The following CPNE4 variants were observed in gnomAD, a reference collection of about 807,000 sequenced individuals.
CPNE4 encodes copine 4.
A neutral mutation model predicts 67.9 loss-of-function variants in CPNE4; 25 were observed. The observed-to-expected ratio is 0.37, with a 90% confidence interval of 0.27 to 0.51. The LOEUF (loss-of-function observed/expected upper bound fraction) is 0.51. Among genes scored for constraint, CPNE4 ranks in the 20% least tolerant of loss-of-function variants. The pLI, the probability that CPNE4 is intolerant of heterozygous loss-of-function variation, is 0.93. For synonymous variants in CPNE4, 242 were observed against 244.9 expected (o/e 0.99, Z 0.11); for missense variants, 464 against 690.8 (o/e 0.67, Z 3.68).
At chr3:131,882,919 A>G (rs2087736328) in intron 2 of CPNE4, among the ~76,000 whole-genome samples, 1 of 151,978 alleles carries the variant, frequency 6.6e-6, no homozygotes, top group African/African-American at 2.4e-5. Flanking sequence ...GGGTTTCACC[A>G]TGTTAGCCAG....
At chr3:131,894,826 G>A (rs1402469122) in intron 2 of CPNE4, among the ~76,000 whole-genome samples, 1 of 152,010 alleles carries the variant, frequency 6.6e-6, no homozygotes, top group East Asian at 1.9e-4. Context: ...ATTAAAAATA[G>A]AACTATTATA....
At chr3:131,779,330 A>C (rs1244435086) in intron 2 of CPNE4, among the ~76,000 whole-genome samples, 11 of 152,130 alleles carry the variant, frequency 7.2e-5, no homozygotes, top group Admixed American at 5.2e-4. Context: ...TAGATTTAAA[A>C]AAATCTAAAA....
chr3:131,698,175 T>TAGTG (rs1248041550), intron 4 of CPNE4, among the ~76,000 whole-genome samples: 2 of 137,678 alleles, frequency 1.5e-5, no homozygotes, highest in East Asian at 4.2e-4. Flanking sequence ...GTGGAACTTG[T>TAGTG]AGTGAGATGA....
chr3:131,735,724 G>T (rs532865618), intron 2 of CPNE4, among the ~76,000 whole-genome samples: 2 of 152,318 alleles, frequency 1.3e-5, no homozygotes, highest in Non-Finnish European at 2.9e-5. Flanking sequence ...AAATACAAGT[G>T]GGGCAAGTTG....
rs150411029 is a variant in CPNE4 at position 131,729,995 on chromosome 3, C to T, written c.181-6370G>A. Among the ~76,000 whole-genome samples, 6 of 152,340 alleles carry T rather than the reference C, an allele frequency of 3.9e-5. No homozygotes were observed. The East Asian group carries it at 9.6e-4, about 24-fold the overall frequency. Reference sequence around the variant, plus strand: ...GAAGGCACTTACATGTTATCTTCTTCAAGCCTTACCCTCATCAACTTTAAA... The same window carrying T: ...GAAGGCACTTACATGTTATCTTCTTTAAGCCTTACCCTCATCAACTTTAAA... On this transcript the variant is annotated intron_variant, in intron 2 of 15. Coordinates refer to ENST00000429747, the MANE Select transcript of CPNE4 (RefSeq NM_130808.3).
At chr3:131,706,427 G>A (rs1052561871) in intron 3 of CPNE4, among the ~76,000 whole-genome samples, 1 of 152,160 alleles carries the variant, frequency 6.6e-6, no homozygotes, top group Admixed American at 6.5e-5. Context: ...AGCTCTGCAA[G>A]GTAAGTATTA....
intron 1 of CPNE4, among the ~76,000 whole-genome samples, chr3:131,968,099 C>A (rs1355352817): frequency 2.0e-5 from 3 of 152,116 alleles, no homozygotes; most frequent in Non-Finnish European, 4.4e-5. Context: ...CAAAAACAAG[C>A]AATGGGCAAA....
At chr3:131,645,422 G>T (rs768274459) in intron 7 of CPNE4, among the ~76,000 whole-genome samples, 12 of 152,024 alleles carry the variant, frequency 7.9e-5, no homozygotes, top group Non-Finnish European at 1.6e-4. Flanking sequence ...ATCTAATACA[G>T]GTCACTTTGG....
intron 2 of CPNE4, among the ~76,000 whole-genome samples, chr3:131,847,925 C>A (rs1381334368): frequency 6.6e-6 from 1 of 152,102 alleles, no homozygotes; most frequent in Admixed American, 6.6e-5. Flanking sequence ...GACCTCAGTG[C>A]AACTGTGGCT....
intron 1 of CPNE4, among the ~76,000 whole-genome samples, chr3:132,025,726 T>G (rs1216632924): frequency 6.6e-6 from 1 of 152,210 alleles, no homozygotes; most frequent in African/African-American, 2.4e-5. Flanking sequence ...TCCTATAACA[T>G]AGACACAATC....
chr3:131,575,017 C>A (rs1290390776), intron 10 of CPNE4, 54 bp downstream of exon 10: 1 of 1,486,850 alleles, frequency 6.7e-7, no homozygotes, highest in East Asian at 2.3e-5. Flanking sequence ...AGTGCCACCC[C>A]TCATCTCTTG....
chr3:131,900,143 G>GA (rs965699769), intron 2 of CPNE4, among the ~76,000 whole-genome samples: 2 of 151,480 alleles, frequency 1.3e-5, no homozygotes, highest in Non-Finnish European at 2.9e-5. Flanking sequence ...AACTCTACAG[G>GA]AAAAAAAATC....
intron 1 of CPNE4, among the ~76,000 whole-genome samples, chr3:132,025,310 T>A (rs925306111): frequency 2.0e-5 from 3 of 152,212 alleles, no homozygotes; most frequent in African/African-American, 7.2e-5. Context: ...GATTTTGTAT[T>A]CTGGTTGTGT....
chr3:132,024,850 C>T (rs2887465), intron 1 of CPNE4, among the ~76,000 whole-genome samples: 101,969 of 151,882 alleles, frequency 0.67, 35,009 homozygotes, highest in South Asian at 0.74. Context: ...ATGCCAGATC[C>T]CTTTCTTTAC....
At chr3:131,878,937 C>T (rs1560525263) in intron 2 of CPNE4, among the ~76,000 whole-genome samples, 2 of 152,364 alleles carry the variant, frequency 1.3e-5, no homozygotes, top group East Asian at 1.9e-4. Flanking sequence ...TGACACTTAC[C>T]TTGCCCTACC....
intron 1 of CPNE4, among the ~76,000 whole-genome samples, chr3:131,981,934 C>T (rs1280900949): frequency 6.6e-6 from 1 of 152,166 alleles, no homozygotes; most frequent in African/African-American, 2.4e-5. Flanking sequence ...GGGATGTCTC[C>T]CAGGTCCTGC....
intron 3 of CPNE4, among the ~76,000 whole-genome samples, chr3:131,708,429 A>G (rs1449782474): frequency 1.3e-5 from 2 of 152,190 alleles, no homozygotes; most frequent in Non-Finnish European, 2.9e-5. Context: ...TCTGGGCTCA[A>G]AGAAGAGTCC....
intron 2 of CPNE4, among the ~76,000 whole-genome samples, chr3:131,874,503 G>C (rs145685611): frequency 1.1e-4 from 17 of 152,300 alleles, no homozygotes; most frequent in Non-Finnish European, 2.4e-4. Flanking sequence ...AACTCTCTCT[G>C]TTGGTTGTAT....
chr3:131,914,352 A>C (rs2089101182), intron 1 of CPNE4, among the ~76,000 whole-genome samples: 1 of 151,590 alleles, frequency 6.6e-6, no homozygotes, highest in Non-Finnish European at 1.5e-5. Context: ...ATCTTCCAAA[A>C]TTTTCTTGGC....
Sources: allele counts gnomAD v4.1 joint callset (sites outside exome capture counted in the v4.1 genomes callset), GRCh38; gene constraint gnomAD v4.1.1; transcripts MANE v1.5; gene names NCBI Gene and HGNC (gene_info 2026-07-23, HGNC 2026-07-21).